THSD7B: variants seen among roughly 807,000 people sequenced by gnomAD.
The protein encoded by THSD7B is thrombospondin type 1 domain containing 7B, also known as thrombospondin type-1 domain-containing protein 7B.
THSD7B carries 138 observed loss-of-function variants against 213.6 expected under a neutral mutation model. That is an observed-to-expected ratio of 0.65 (90% confidence interval 0.56 to 0.74). The LOEUF (loss-of-function observed/expected upper bound fraction) is 0.74. Ranked by LOEUF, THSD7B falls within the 30% of genes least tolerant of loss-of-function variation. THSD7B has a pLI of 0.00. For missense variants in THSD7B, 1,931 were observed against 1,991.5 expected, an observed-to-expected ratio of 0.97 and a Z score of 0.58; for synonymous variants, 742 against 687.0, an observed-to-expected ratio of 1.08 and a Z score of -1.25.
intron 12 of THSD7B, among the ~76,000 whole-genome samples, chr2:137,307,383 G>C (rs953025172): frequency 6.6e-6 from 1 of 151,998 alleles, no homozygotes; most frequent in South Asian, 2.1e-4. Flanking sequence ...TGACACATGG[G>C]AAAAGAACAA....
At chr2:137,658,142 C>A (rs1482672772) in intron 24 of THSD7B, among the ~76,000 whole-genome samples, 1 of 152,174 alleles carries the variant, frequency 6.6e-6, no homozygotes, top group Non-Finnish European at 1.5e-5. Context: ...GTCAGCTCCT[C>A]CTTTTTCTTG....
intron 1 of THSD7B, among the ~76,000 whole-genome samples, chr2:136,881,486 A>T (rs1468529794): frequency 6.6e-6 from 1 of 152,194 alleles, no homozygotes; most frequent in Non-Finnish European, 1.5e-5. Context: ...TGTTAATATT[A>T]TAAAGACTAT....
intron 14 of THSD7B, among the ~76,000 whole-genome samples, chr2:137,413,426 A>G (rs149005646): frequency 6.6e-6 from 1 of 152,248 alleles, no homozygotes; most frequent in African/African-American, 2.4e-5. Flanking sequence ...ATAGAAATAG[A>G]ACAAATACAT....
chr2:137,194,822 G>T (rs1242419867), intron 7 of THSD7B, among the ~76,000 whole-genome samples: 1 of 152,018 alleles, frequency 6.6e-6, no homozygotes, highest in Non-Finnish European at 1.5e-5. Context: ...TTTTATCATT[G>T]ACTCTCTAGG....
chr2:136,836,122 C>A (rs949522453), intron 1 of THSD7B, among the ~76,000 whole-genome samples: 1 of 152,124 alleles, frequency 6.6e-6, no homozygotes, highest in Non-Finnish European at 1.5e-5. Context: ...CTAAAGAAAA[C>A]TGCTAGTCAA....
chr2:137,458,047 A>C (rs1584798), intron 15 of THSD7B, among the ~76,000 whole-genome samples: 146,878 of 151,766 alleles, frequency 0.97, 71,231 homozygotes, highest in Non-Finnish European at 1. Context: ...GATTAGGAAA[A>C]AAACAAAAAA....
At chr2:137,150,252 A>AG (rs1294707160) in intron 5 of THSD7B, among the ~76,000 whole-genome samples, 6 of 148,268 alleles carry the variant, frequency 4.0e-5, no homozygotes, top group African/African-American at 1.5e-4. Context: ...CAAAAAAAAA[A>AG]AAAAAGAAAA....
At chr2:137,673,396 A>G (rs1264618672) in intron 27 of THSD7B, among the ~76,000 whole-genome samples, 1 of 152,184 alleles carries the variant, frequency 6.6e-6, no homozygotes, top group East Asian at 1.9e-4. Context: ...ACCTCAGCTC[A>G]ACAGGAGAGA....
At chr2:137,495,331 T>G (rs937072877) in intron 15 of THSD7B, among the ~76,000 whole-genome samples, 2 of 152,190 alleles carry the variant, frequency 1.3e-5, no homozygotes, top group Non-Finnish European at 2.9e-5. Flanking sequence ...AGCAGCTATC[T>G]TCTGATCTCT....
chr2:137,426,782 A>C (rs537724586), intron 14 of THSD7B, among the ~76,000 whole-genome samples: 31 of 152,298 alleles, frequency 2.0e-4, no homozygotes, highest in African/African-American at 7.2e-4. Context: ...TACCAGCAAC[A>C]AAAACAAAAA....
chr2:136,967,462 C>G (rs1685339998), intron 2 of THSD7B, among the ~76,000 whole-genome samples: 1 of 152,194 alleles, frequency 6.6e-6, no homozygotes, highest in Non-Finnish European at 1.5e-5. Flanking sequence ...CTCTCCCTGT[C>G]CTCTGCCATT....
chr2:137,072,106 A>T (rs1472545653), intron 3 of THSD7B, among the ~76,000 whole-genome samples: 2 of 152,126 alleles, frequency 1.3e-5, no homozygotes, highest in South Asian at 4.1e-4. Context: ...TTTTGGTTCC[A>T]TATGAACTTT....
intron 1 of THSD7B, among the ~76,000 whole-genome samples, chr2:136,804,874 GT>G (rs889773174): frequency 1.1e-4 from 16 of 152,164 alleles, no homozygotes; most frequent in African/African-American, 3.9e-4. Context: ...GGGCCAGCAG[GT>G]CAGCCCATTC....
chr2:136,905,417 A>G (rs1422831586), intron 2 of THSD7B, among the ~76,000 whole-genome samples: 1 of 152,252 alleles, frequency 6.6e-6, no homozygotes, highest in South Asian at 2.1e-4. Context: ...CAAAAGCATT[A>G]TGAGAAGACG....
At chr2:137,197,947 T>G (rs1314373301) in intron 7 of THSD7B, among the ~76,000 whole-genome samples, 1 of 152,192 alleles carries the variant, frequency 6.6e-6, no homozygotes, top group Non-Finnish European at 1.5e-5. Flanking sequence ...CACACACTCA[T>G]GCACACGTGT....
intron 2 of THSD7B, among the ~76,000 whole-genome samples, chr2:136,937,842 G>T (rs1033796760): frequency 6.6e-6 from 1 of 152,144 alleles, no homozygotes; most frequent in Non-Finnish European, 1.5e-5. Context: ...TGGAACTGTT[G>T]AAGAAATAGT....
At chr2:136,909,091 A>T (rs1308303806) in intron 2 of THSD7B, among the ~76,000 whole-genome samples, 1 of 152,020 alleles carries the variant, frequency 6.6e-6, no homozygotes, top group Non-Finnish European at 1.5e-5. Context: ...GCTAAGGTAC[A>T]AGAATCACTT....
intron 2 of THSD7B, among the ~76,000 whole-genome samples, chr2:137,004,396 T>G (rs760120050): frequency 6.6e-6 from 1 of 151,980 alleles, no homozygotes; most frequent in Non-Finnish European, 1.5e-5. Flanking sequence ...ACAGCTATTC[T>G]TTTTACAAAA....
chr2:136,983,558 T>C (rs1391083348), intron 2 of THSD7B, among the ~76,000 whole-genome samples: 2 of 151,772 alleles, frequency 1.3e-5, no homozygotes, highest in Non-Finnish European at 2.9e-5. Flanking sequence ...ATAAACAAAG[T>C]ACACTTAAGA....
Sources: allele counts gnomAD v4.1 joint callset (sites outside exome capture counted in the v4.1 genomes callset), GRCh38; gene constraint gnomAD v4.1.1; transcripts MANE v1.5; gene names NCBI Gene and HGNC (gene_info 2026-07-23, HGNC 2026-07-21).